Variants in PPEF1 observed in about 807,000 individuals in gnomAD.
PPEF1 encodes serine/threonine-protein phosphatase with EF-hands 1.
Under a neutral mutation model 53.3 loss-of-function variants are expected in PPEF1, and 12 were observed. That is an observed-to-expected ratio of 0.23 (90% CI 0.14 to 0.36). The LOEUF is 0.36. Ranked by LOEUF, PPEF1 falls within the 10% of genes least tolerant of loss-of-function variation. PPEF1 has a pLI of 1.00. For missense variants in PPEF1, 334 were observed against 490.4 expected, an observed-to-expected ratio of 0.68 and a Z score of 3.01; for synonymous variants, 165 against 176.7, an observed-to-expected ratio of 0.93 and a Z score of 0.52.
intron 3 of PPEF1, among the ~76,000 whole-genome samples, chrX:18,688,168 A>T (rs1929179085): frequency 8.9e-6 from 1 of 112,042 alleles, no homozygotes; most frequent in South Asian, 3.7e-4. Flanking sequence ...TAGTTTTTTT[A>T]AATGGCAATA....
At chrX:18,677,154 A>T (rs1484280060) in intron 1 of PPEF1, among the ~76,000 whole-genome samples, 1 of 107,493 alleles carries the variant, frequency 9.3e-6, no homozygotes, top group Non-Finnish European at 1.9e-5. Flanking sequence ...CTCCTGCCTC[A>T]GCCACCCAAG....
chrX:18,739,903 C>T (rs764174359), intron 3 of PPEF1, among the ~76,000 whole-genome samples: 7 of 112,300 alleles, frequency 6.2e-5, no homozygotes, highest in Admixed American at 9.4e-5. Flanking sequence ...TAGCAGTGAG[C>T]GAGGCTCCGT....
chrX:18,732,907 A>C (rs2044871176), intron 2 of PPEF1, among the ~76,000 whole-genome samples: 1 of 112,042 alleles, frequency 8.9e-6, no homozygotes, highest in Admixed American at 9.5e-5. Flanking sequence ...CACCACCAAA[A>C]AGAAAAGAGA....
rs563269802 is a variant in PPEF1 at position 18,685,451 on chromosome X, C to T, written c.-520+682C>T. Among the ~76,000 whole-genome samples, 66 of 111,002 alleles carry T rather than the reference C, an allele frequency of 5.9e-4. No homozygotes were observed. The South Asian group carries it at 0.011, about 19-fold the overall frequency. Reference sequence around the variant, plus strand: ...CTGTAATCCCAGCACTTTGGGAGGCCGAGGAGGGTGGATCACGAGGTCAGG... The same window carrying T: ...CTGTAATCCCAGCACTTTGGGAGGCTGAGGAGGGTGGATCACGAGGTCAGG... On this transcript the variant is annotated intron_variant, in intron 2 of 21. Transcript: ENST00000361511.
chrX:18,684,784 G>A (rs905521561), intron 2 of PPEF1, among the ~76,000 whole-genome samples: 4 of 110,706 alleles, frequency 3.6e-5, no homozygotes, highest in Admixed American at 1.9e-4. Context: ...CCGCCACCAC[G>A]CCTTGCTGAT....
chrX:18,780,791 G>A (rs1183067376), intron 7 of PPEF1, among the ~76,000 whole-genome samples: 3 of 110,355 alleles, frequency 2.7e-5, no homozygotes, highest in Non-Finnish European at 3.8e-5. Context: ...ATGGTAGCTC[G>A]CGCCTGTAAT....
intron 9 of PPEF1, among the ~76,000 whole-genome samples, chrX:18,784,516 C>T (rs986710507): frequency 1.8e-5 from 2 of 109,823 alleles, no homozygotes; most frequent in Non-Finnish European, 3.8e-5. Context: ...TCATCCCAGA[C>T]CGAAACTCTG....
intron 12 of PPEF1, among the ~76,000 whole-genome samples, chrX:18,812,244 G>A (rs1451827813): frequency 9.0e-6 from 1 of 111,655 alleles, no homozygotes; most frequent in African/African-American, 3.3e-5. Flanking sequence ...CTCAAAGACT[G>A]TTCTTTCCTT....
rs1321016408 is a variant in PPEF1, at chrX:18,732,731, GA to G, written c.175-1012del. The stretch of plus-strand genomic sequence containing the variant: ...TTACTTTTCATGAGAGGCAGGGCTT[GA>G]AAAAGAAATTATTTGTGCTGTACAA... On this transcript the variant is annotated intron_variant, in intron 2 of 15. Transcript: ENST00000470157. Among the ~76,000 whole-genome samples the G allele has an allele frequency of 4.5e-5, 5 of 111,984 alleles. No homozygotes were observed. In the East Asian group the frequency reaches 1.4e-3, roughly 31 times the overall value.
chrX:18,806,327 A>G (rs2046662794), intron 11 of PPEF1, 76 bp from the exon 12 acceptor site: 1 of 1,034,136 alleles, frequency 9.7e-7, no homozygotes. Flanking sequence ...TTAAGAATTG[A>G]GCTATTTCTG....
At chrX:18,797,077 C>G (rs1052030861) in intron 10 of PPEF1, among the ~76,000 whole-genome samples, 1 of 111,149 alleles carries the variant, frequency 9.0e-6, no homozygotes, top group African/African-American at 3.3e-5. Context: ...ATGATCAGAG[C>G]TGACATTGGG....
chrX:18,768,755 C>T (rs1231234030), intron 6 of PPEF1, among the ~76,000 whole-genome samples: 1 of 111,974 alleles, frequency 8.9e-6, no homozygotes, highest in Non-Finnish European at 1.9e-5. Context: ...TTGTTGGCCC[C>T]AAAGACATCA....
chrX:18,742,865 AT>A (rs1348552855), intron 3 of PPEF1, among the ~76,000 whole-genome samples: 1 of 103,375 alleles, frequency 9.7e-6, no homozygotes, highest in Non-Finnish European at 2.0e-5. Flanking sequence ...AAAAAAAAAA[AT>A]TTGGTTACCT....
intron 10 of PPEF1, among the ~76,000 whole-genome samples, chrX:18,798,031 G>A (rs888414369): frequency 2.6e-4 from 29 of 110,674 alleles, no homozygotes; most frequent in African/African-American, 9.6e-4. Flanking sequence ...AAAAACTAGA[G>A]CAGAGTTAAG....
At chrX:18,756,296 C>T (rs1270546303) in intron 4 of PPEF1, among the ~76,000 whole-genome samples, 1 of 110,273 alleles carries the variant, frequency 9.1e-6, no homozygotes, top group Non-Finnish European at 1.9e-5. Context: ...TCTCCTGCCT[C>T]AGCCTCCTGA....
At chrX:18,683,006 G>C (rs1928936502) in intron 1 of PPEF1, among the ~76,000 whole-genome samples, 1 of 111,708 alleles carries the variant, frequency 9.0e-6, no homozygotes, top group Admixed American at 9.5e-5. Context: ...TGGCAGGCAA[G>C]AGAGAAATGA....
chrX:18,771,773 T>A (rs1471618290), intron 6 of PPEF1, among the ~76,000 whole-genome samples: 1 of 111,566 alleles, frequency 9.0e-6, no homozygotes, highest in African/African-American at 3.3e-5. Context: ...GATGAGCACA[T>A]ATTTTGTATG....
intron 4 of PPEF1, 75 bp from the exon 5 acceptor site, chrX:18,757,552 C>T (rs1479561217): frequency 2.5e-6 from 2 of 787,679 alleles, no homozygotes; most frequent in Non-Finnish European, 3.8e-6. Context: ...GCTTGCTCCA[C>T]CTTTACAGTT....
chrX:18,782,546 C>A, intron 8 of PPEF1, 144 bp downstream of exon 8: 1 of 440,994 alleles, frequency 2.3e-6, no homozygotes, highest in Non-Finnish European at 3.8e-6. Context: ...AAAATACAAG[C>A]ACAGCAGGAA....
Sources: allele counts gnomAD v4.1 joint callset (sites outside exome capture counted in the v4.1 genomes callset), GRCh38; gene constraint gnomAD v4.1.1; transcripts MANE v1.5; gene names NCBI Gene and HGNC (gene_info 2026-07-23, HGNC 2026-07-21).